NXPH1: variants seen among roughly 807,000 people sequenced by gnomAD.
NXPH1 encodes the protein neurexophilin 1, also known as neurexophilin-1.
A neutral mutation model predicts 23.7 loss-of-function variants in NXPH1; 5 were observed. That is an observed-to-expected ratio of 0.21 (90% CI 0.11 to 0.44). The LOEUF is 0.44. Ranked by LOEUF, NXPH1 falls within the 20% of genes least tolerant of loss-of-function variation. The pLI is 0.99. For synonymous variants in NXPH1, 144 were observed against 122.2 expected, an observed-to-expected ratio of 1.18 and a Z score of -1.18; for missense variants, 324 against 321.6, an observed-to-expected ratio of 1.01 and a Z score of -0.06.
At chr7:8,508,675 A>C (rs1310324061) in intron 2 of NXPH1, among the ~76,000 whole-genome samples, 2 of 151,874 alleles carry the variant, frequency 1.3e-5, no homozygotes, top group Non-Finnish European at 2.9e-5. Flanking sequence ...TAAATCCTGG[A>C]GTTCAGAGGC....
chr7:8,599,924 A>C (rs1033038999), intron 2 of NXPH1, among the ~76,000 whole-genome samples: 1 of 149,832 alleles, frequency 6.7e-6, no homozygotes, highest in East Asian at 2.1e-4. Context: ...AACTATGCAG[A>C]TGCTAAAATA....
intron 2 of NXPH1, among the ~76,000 whole-genome samples, chr7:8,648,892 A>G (rs994342107): frequency 2.6e-5 from 4 of 152,088 alleles, no homozygotes; most frequent in Admixed American, 1.3e-4. Flanking sequence ...ATAAGTATAT[A>G]CAAGTTTCTA....
At position 8,603,421 on chromosome 7, in the gene NXPH1, T is replaced by C. The variant is rs1819408806; in HGVS notation, c.55-147587T>C. Among the ~76,000 whole-genome samples, 10 of 144,020 alleles carry C rather than the reference T, an allele frequency of 6.9e-5. No homozygotes were observed. The South Asian group carries it at 2.2e-3, about 32-fold the overall frequency. 94.5% of individuals were successfully genotyped at this position (144,020 alleles called of 152,430 possible). Reference sequence around the variant, plus strand: ...ATTGTTCTTACTATTTTTGTTTTTGTTTTTTTGCTCAGCTGGACACATTGT... The same window carrying C: ...ATTGTTCTTACTATTTTTGTTTTTGCTTTTTTGCTCAGCTGGACACATTGT... On this transcript the variant is annotated intron_variant, in intron 2 of 2. Coordinates refer to ENST00000405863, the MANE Select transcript of NXPH1 (RefSeq NM_152745.3).
At chr7:8,441,245 C>G (rs2128604145) in intron 2 of NXPH1, among the ~76,000 whole-genome samples, 2 of 152,160 alleles carry the variant, frequency 1.3e-5, no homozygotes, top group Non-Finnish European at 2.9e-5. Flanking sequence ...CGGGTCTGCA[C>G]TCTCGCCTCC....
In NXPH1 at chr7:8,658,334, C is replaced by G. The variant is rs187099032; in HGVS notation, c.55-92674C>G. On this transcript the variant is annotated intron_variant, in intron 2 of 2. Transcript: ENST00000405863. ...TGTCTAATTTATGTTAAGTGCTCAA[C>G]GAGTGTTTGATTAGTGAACACATTT... Among the ~76,000 whole-genome samples the G allele has an allele frequency of 2.6e-5, 4 of 152,134 alleles. No individual in the cohort carries two copies. In the East Asian group the frequency reaches 5.8e-4, roughly 22 times the overall value.
intron 2 of NXPH1, among the ~76,000 whole-genome samples, chr7:8,706,598 C>T (rs1158127592): frequency 6.6e-6 from 1 of 152,198 alleles, no homozygotes; most frequent in Non-Finnish European, 1.5e-5. Flanking sequence ...GACCCATCCT[C>T]TGGTTGTCAG....
At chr7:8,660,591 G>A (rs1214531219) in intron 2 of NXPH1, among the ~76,000 whole-genome samples, 27 of 152,140 alleles carry the variant, frequency 1.8e-4, no homozygotes, top group Admixed American at 1.8e-3. Flanking sequence ...CTGAGGACAG[G>A]AAATGTAAAT....
chr7:8,654,766 C>G (rs758664507), intron 2 of NXPH1, among the ~76,000 whole-genome samples: 44 of 152,196 alleles, frequency 2.9e-4, no homozygotes, highest in Non-Finnish European at 5.9e-4. Context: ...CCAAATAATT[C>G]CTACTGACAT....
chr7:8,507,622 C>G (rs541465197), intron 2 of NXPH1, among the ~76,000 whole-genome samples: 2 of 152,092 alleles, frequency 1.3e-5, no homozygotes, highest in South Asian at 4.1e-4. Context: ...GTTTCATAAT[C>G]TTCTAAGTTT....
At chr7:8,450,383 A>G (rs960726090) in intron 2 of NXPH1, among the ~76,000 whole-genome samples, 1 of 152,250 alleles carries the variant, frequency 6.6e-6, no homozygotes, top group Non-Finnish European at 1.5e-5. Context: ...AAATCTGCTT[A>G]GTTTAAAACC....
intron 2 of NXPH1, among the ~76,000 whole-genome samples, chr7:8,491,867 A>G (rs1189258885): frequency 6.6e-6 from 1 of 152,072 alleles, no homozygotes; most frequent in Non-Finnish European, 1.5e-5. Context: ...TTCTTCATCT[A>G]AAGTGCTGTT....
intron 2 of NXPH1, among the ~76,000 whole-genome samples, chr7:8,647,928 T>C (rs2349507): frequency 0.7 from 106,570 of 151,842 alleles, 38,263 homozygotes; most frequent in East Asian, 1. Flanking sequence ...GATGTAGTTC[T>C]TATAATGTGT....
intron 2 of NXPH1, among the ~76,000 whole-genome samples, chr7:8,622,241 T>C (rs1345559127): frequency 6.6e-6 from 1 of 152,178 alleles, no homozygotes; most frequent in African/African-American, 2.4e-5. Flanking sequence ...ATTAAAGTAT[T>C]TGCATTATTA....
intron 2 of NXPH1, among the ~76,000 whole-genome samples, chr7:8,455,062 A>T (rs773794747): frequency 6.6e-6 from 1 of 152,114 alleles, no homozygotes; most frequent in African/African-American, 2.4e-5. Flanking sequence ...TAAATTGTGG[A>T]CCAGAGGGCT....
intron 2 of NXPH1, among the ~76,000 whole-genome samples, chr7:8,554,779 C>T (rs941542116): frequency 6.6e-6 from 1 of 151,610 alleles, no homozygotes; most frequent in Non-Finnish European, 1.5e-5. Flanking sequence ...GCCCGTTCAC[C>T]AGAACAGTTA....
chr7:8,435,407 CCCG>C lies in NXPH1; in HGVS notation c.-110-194_-110-192del. On this transcript the variant is annotated intron_variant, in intron 1 of 2. Transcript: ENST00000405863. This position sits in a 1 kb window ranked among gnomAD's most constrained non-coding sequence, Gnocchi z 5.9. The stretch of plus-strand genomic sequence containing the variant: ...AGCCCCTCACCCTCCCTCTCGTCCG[CCCG>C]CCCGCCTCCCCAGCTGCGGACCGCG... 1 of 473,416 alleles carries C rather than the reference CCCG, an allele frequency of 2.1e-6. No individual in the cohort carries two copies. The highest frequency in any genetic ancestry group is 2.3e-5 in the South Asian group (1 of 43,004). 29.3% of individuals were successfully genotyped at this position (473,416 alleles called of 1,614,324 possible).
At chr7:8,536,503 T>C (rs1039782708) in intron 2 of NXPH1, among the ~76,000 whole-genome samples, 1 of 152,000 alleles carries the variant, frequency 6.6e-6, no homozygotes, top group Admixed American at 6.6e-5. Flanking sequence ...CCTAGTTAAC[T>C]GGTAGCTGAC....
intron 2 of NXPH1, among the ~76,000 whole-genome samples, chr7:8,605,715 C>G (rs1240523064): frequency 6.6e-6 from 1 of 151,972 alleles, no homozygotes; most frequent in African/African-American, 2.4e-5. Context: ...AATCTAAGCA[C>G]TTTTGAAAAT....
intron 2 of NXPH1, among the ~76,000 whole-genome samples, chr7:8,498,311 A>G (rs1265074702): frequency 6.6e-6 from 1 of 152,080 alleles, no homozygotes; most frequent in African/African-American, 2.4e-5. Flanking sequence ...ATCAGAGGGG[A>G]AGATTGGTAA....
Sources: gnomAD v4.1 joint callset for allele counts (sites outside exome capture counted in the v4.1 genomes callset) on GRCh38, gnomAD v4.1.1 for gene constraint, Gnocchi (gnomAD v3.1) non-coding constraint, MANE v1.5 for transcripts, NCBI Gene and HGNC (gene_info 2026-07-23, HGNC 2026-07-21) for gene names.